EFCAB5: variants seen among roughly 807,000 people sequenced by gnomAD.
EFCAB5 encodes EF-hand calcium binding domain 5, also known as EF-hand calcium-binding domain-containing protein 5.
Under a neutral mutation model 167.9 loss-of-function variants are expected in EFCAB5, and 131 were observed. The ratio of observed to expected loss-of-function variants is 0.78; its 90% confidence interval spans 0.68 to 0.90. The LOEUF is 0.90. EFCAB5 is among the 40% of genes least tolerant of loss of function. EFCAB5 has a pLI of 0.00. For missense variants in EFCAB5, 1,663 were observed against 1,745.2 expected, an observed-to-expected ratio of 0.95 and a Z score of 0.84; for synonymous variants, 574 against 602.8, an observed-to-expected ratio of 0.95 and a Z score of 0.70.
chr17:29,944,151 C>T (rs1416419754), intron 3 of EFCAB5, among the ~76,000 whole-genome samples: 2 of 152,188 alleles, frequency 1.3e-5, no homozygotes, highest in African/African-American at 4.8e-5. Flanking sequence ...TCATAGTTCA[C>T]TGCAGATTCA....
chr17:30,038,539 C>T (rs754714365), intron 8 of EFCAB5, among the ~76,000 whole-genome samples: 11 of 152,184 alleles, frequency 7.2e-5, no homozygotes, highest in East Asian at 3.8e-4. Context: ...ACACAATATC[C>T]GTTCTGCAGC....
chr17:29,935,047 A>G (rs947931521), intron 1 of EFCAB5, among the ~76,000 whole-genome samples: 2 of 152,182 alleles, frequency 1.3e-5, no homozygotes, highest in Non-Finnish European at 2.9e-5. Context: ...ACAAGAAATC[A>G]TGGTCCTATC....
intron 18 of EFCAB5, among the ~76,000 whole-genome samples, chr17:30,083,705 C>T (rs557656076): frequency 7.9e-5 from 12 of 152,308 alleles, no homozygotes; most frequent in Admixed American, 3.3e-4. Flanking sequence ...CCAGCCACCT[C>T]AGCCTCCCAA....
intron 4 of EFCAB5, among the ~76,000 whole-genome samples, chr17:29,986,590 C>G (rs1267636267): frequency 7.2e-6 from 1 of 139,382 alleles, no homozygotes; most frequent in Non-Finnish European, 1.5e-5. Context: ...ATTCTGCTTA[C>G]AAATAGGTTT....
intron 4 of EFCAB5, among the ~76,000 whole-genome samples, chr17:29,990,453 C>T (rs947804915): frequency 6.6e-6 from 1 of 152,112 alleles, no homozygotes; most frequent in Non-Finnish European, 1.5e-5. Flanking sequence ...GCTCTGCTTT[C>T]CAGGGAACAA....
At chr17:30,001,953 C>G (rs2068671425) in intron 7 of EFCAB5, among the ~76,000 whole-genome samples, 1 of 152,142 alleles carries the variant, frequency 6.6e-6, no homozygotes, top group East Asian at 1.9e-4. Context: ...ACATAAGTGA[C>G]AGAGCTAGAC....
chr17:30,004,481 G>C (rs1178182706), intron 7 of EFCAB5, among the ~76,000 whole-genome samples: 1 of 152,164 alleles, frequency 6.6e-6, no homozygotes, highest in African/African-American at 2.4e-5. Context: ...TTTTAGTTTA[G>C]TGTTGTGGAA....
Position 29,968,778 on chromosome 17 carries a change from T to C in EFCAB5, c.191-13T>C. 6.9e-7 allele frequency: 1 copy of C among 1,455,090 alleles called. No individual in the cohort carries two copies. Among genetic ancestry groups the C allele is most frequent in the Non-Finnish European group, 9.1e-7 (1 of 1,104,100 alleles). The allele number at this position is 1,455,090 out of a possible 1,614,324, so 90.1% of individuals were successfully genotyped here. On this transcript the variant is annotated splice_polypyrimidine_tract_variant and intron_variant, in intron 3 of 22. Coordinates refer to ENST00000394835, the MANE Select transcript of EFCAB5 (RefSeq NM_198529.4). ...TCTAACATTTCTTACATTTCACTTT[T>C]TTTTCCCCTCAGAATTAAACCTGGA...
intron 17 of EFCAB5, 115 bp downstream of exon 17, chr17:30,081,096 T>C: frequency 1.3e-6 from 1 of 763,112 alleles, no homozygotes; most frequent in South Asian, 1.9e-5. Flanking sequence ...GATAACATCA[T>C]CATACTTGCT....
intron 3 of EFCAB5, among the ~76,000 whole-genome samples, chr17:29,964,771 C>G (rs1330166437): frequency 2.0e-5 from 3 of 150,404 alleles, no homozygotes; most frequent in Admixed American, 6.6e-5. Context: ...TTGTTTTTCT[C>G]TACTATTTTT....
intron 7 of EFCAB5, among the ~76,000 whole-genome samples, chr17:30,017,906 C>T (rs1176810044): frequency 2.0e-5 from 3 of 152,108 alleles, no homozygotes; most frequent in African/African-American, 4.8e-5. Context: ...GGATCCAAGG[C>T]TCATTTCCTG....
At chr17:30,073,733 A>T (rs895072110) in intron 14 of EFCAB5, 5 of 708,412 alleles carry the variant, frequency 7.1e-6, no homozygotes, top group African/African-American at 7.1e-5. Flanking sequence ...CTGAGTTTTG[A>T]CAAATACATG....
chr17:30,026,106 A>G (rs975791844), intron 7 of EFCAB5, among the ~76,000 whole-genome samples: 3 of 151,950 alleles, frequency 2.0e-5, no homozygotes, highest in African/African-American at 7.3e-5. Context: ...CCAGCATGGC[A>G]CATGTATACA....
At chr17:29,973,778 T>C (rs1307641501) in intron 4 of EFCAB5, among the ~76,000 whole-genome samples, 1 of 149,910 alleles carries the variant, frequency 6.7e-6, no homozygotes, top group African/African-American at 2.4e-5. Context: ...GCCTGGCCTG[T>C]ATTTCCTTTT....
intron 14 of EFCAB5, chr17:30,069,357 G>GT: frequency 6.4e-7 from 1 of 1,558,732 alleles, no homozygotes; most frequent in Non-Finnish European, 8.8e-7. Flanking sequence ...CGACTAATTG[G>GT]TGAAATGAAC....
intron 14 of EFCAB5, chr17:30,073,757 A>G (rs1324175626): frequency 1.5e-6 from 1 of 672,756 alleles, no homozygotes; most frequent in Admixed American, 2.2e-5. Context: ...TATGCATCCC[A>G]TACTCCTATC....
At chr17:29,943,041 A>AATATATAT (rs34181760) in intron 2 of EFCAB5, among the ~76,000 whole-genome samples, 5 of 147,604 alleles carry the variant, frequency 3.4e-5, no homozygotes, top group Non-Finnish European at 7.5e-5. Flanking sequence ...GCATCTCCAA[A>AATATATAT]ATATATATAT....
chr17:29,972,785 C>T lies in EFCAB5; in HGVS notation c.767+3418C>T, dbSNP rs143211726. On this transcript the variant is annotated intron_variant, in intron 4 of 22. Transcript: ENST00000394835. ...GGACCTGCGAAGGAAGCCCCTCTAC[C>T]CAGCCCTCCTTAGCTATGTGAGCTC... The T allele has an allele frequency of 7.6e-3, 1,712 of 223,868 alleles. 14 individuals carry two copies. The highest frequency in any genetic ancestry group is 0.012 in the Non-Finnish European group (1,309 of 105,758). The allele number at this position is 223,868 out of a possible 1,614,324, so 13.9% of individuals were successfully genotyped here. A position where few individuals can be genotyped will look rare whatever the true frequency, so the allele number is the denominator to read the frequency against.
At chr17:30,096,554 G>GA (rs370468285) in intron 22 of EFCAB5, among the ~76,000 whole-genome samples, 2 of 146,970 alleles carry the variant, frequency 1.4e-5, no homozygotes, top group Non-Finnish European at 1.5e-5. Flanking sequence ...ACCGTCTCTA[G>GA]AAAAAAAACT....
Sources: allele counts gnomAD v4.1 joint callset (sites outside exome capture counted in the v4.1 genomes callset), GRCh38; gene constraint gnomAD v4.1.1; transcripts MANE v1.5; gene names NCBI Gene and HGNC (gene_info 2026-07-23, HGNC 2026-07-21).